The following TXNRD1 variants were observed in gnomAD, a reference collection of about 807,000 sequenced individuals.
The protein encoded by TXNRD1 is thioredoxin reductase 1, also known as thioredoxin reductase 1, cytoplasmic.
Under a neutral mutation model 80.3 loss-of-function variants are expected in TXNRD1, and 57 were observed. That is an observed-to-expected ratio of 0.71 (90% CI 0.57 to 0.89). The LOEUF (loss-of-function observed/expected upper bound fraction) is 0.89. Among genes scored for constraint, TXNRD1 ranks in the 40% least tolerant of loss-of-function variants. The probability of loss-of-function intolerance (pLI) is 0.00; values close to 1 mark genes in which losing one functional copy is unlikely to be tolerated. For missense variants in TXNRD1, 730 were observed against 803.0 expected (o/e 0.91, Z 1.10); for synonymous variants, 291 against 285.2 (o/e 1.02, Z -0.20).
At chr12:104,242,685 C>G (rs943383079) in intron 1 of TXNRD1, among the ~76,000 whole-genome samples, 1 of 152,154 alleles carries the variant, frequency 6.6e-6, no homozygotes, top group Non-Finnish European at 1.5e-5. Flanking sequence ...ACCTCTTCCA[C>G]GTTCCCTGTG....
chr12:104,289,123 C>T (rs1416644933), intron 4 of TXNRD1, 83 bp downstream of exon 4: 9 of 1,497,514 alleles, frequency 6.0e-6, no homozygotes, highest in East Asian at 4.6e-5. Context: ...TTAAAGCCAG[C>T]GTGGATGTGA....
At position 104,269,630 on chromosome 12, in the gene TXNRD1, C is replaced by T. The variant is rs571580952; in HGVS notation, c.304+11551C>T. Among the ~76,000 whole-genome samples, 7 of 151,866 alleles carry T rather than the reference C, an allele frequency of 4.6e-5. No homozygotes were observed. In the South Asian group the frequency reaches 1.0e-3, roughly 23 times the overall value. ...GTCCCCAGGCTGGAGTGCAGTGGCG[C>T]GATCTCGGCTCACAGTAACCTCTGC... is the stretch of plus-strand genomic sequence containing the variant. On this transcript the variant is annotated intron_variant, in intron 3 of 16. Transcript: ENST00000525566.
intron 3 of TXNRD1, among the ~76,000 whole-genome samples, chr12:104,287,715 T>G (rs1276874956): frequency 6.6e-6 from 1 of 152,132 alleles, no homozygotes; most frequent in African/African-American, 2.4e-5. Context: ...CAGGGCTTCC[T>G]CACTCTCTCA....
At chr12:104,278,189 C>CT (rs202175579) in intron 3 of TXNRD1, among the ~76,000 whole-genome samples, 88 of 98,278 alleles carry the variant, frequency 9.0e-4, no homozygotes, top group East Asian at 3.2e-3. Flanking sequence ...TGATCAAATT[C>CT]TTTTTTTTTT....
At chr12:104,279,163 TG>T (rs2033824726) in intron 3 of TXNRD1, among the ~76,000 whole-genome samples, 1 of 152,234 alleles carries the variant, frequency 6.6e-6, no homozygotes, top group African/African-American at 2.4e-5. Context: ...GAGTGGCTAT[TG>T]GGTTGGACAG....
intron 14 of TXNRD1, among the ~76,000 whole-genome samples, chr12:104,333,227 C>T (rs191548903): frequency 2.6e-5 from 4 of 151,808 alleles, no homozygotes; most frequent in Admixed American, 2.6e-4. Context: ...GATAGATTTC[C>T]TGTGTGAGTG....
At chr12:104,334,589 C>A (rs1334283137) in intron 15 of TXNRD1, among the ~76,000 whole-genome samples, 1 of 152,160 alleles carries the variant, frequency 6.6e-6, no homozygotes, top group African/African-American at 2.4e-5. Context: ...CCAGGCTGGT[C>A]TTGAACACCT....
chr12:104,227,633 C>A (rs901093294), intron 1 of TXNRD1, among the ~76,000 whole-genome samples: 3 of 151,984 alleles, frequency 2.0e-5, no homozygotes, highest in African/African-American at 7.3e-5. Context: ...GTTCCGTTAC[C>A]CCACAAAATT....
At position 104,249,707 on chromosome 12, in the gene TXNRD1, G is replaced by A. The variant is rs545842583; in HGVS notation, c.92-1820G>A. Among the ~76,000 whole-genome samples, 3 of 152,156 alleles carry A rather than the reference G, an allele frequency of 2.0e-5. 1 individual carries two copies. In the South Asian group the frequency reaches 6.2e-4, roughly 32 times the overall value. ...TCTTAGCACTTTGGGAGGCCAAGGTGGGCAGATCACGAGGTCAGGAGATCA... is the reference window on the plus strand; with the variant it reads ...TCTTAGCACTTTGGGAGGCCAAGGTAGGCAGATCACGAGGTCAGGAGATCA... On this transcript the variant is annotated intron_variant, in intron 1 of 16. Transcript: ENST00000525566.
intron 15 of TXNRD1, among the ~76,000 whole-genome samples, chr12:104,336,954 G>C (rs545919173): frequency 6.7e-6 from 1 of 148,184 alleles, no homozygotes; most frequent in African/African-American, 2.4e-5. Context: ...TTATGCCTAT[G>C]CAGTCTTCTG....
rs1402186594 is a variant in TXNRD1, at chr12:104,349,092, ATT to A, written c.*672_*673del. 4.6e-5 allele frequency: 7 copies of A among 152,360 alleles called. No individual in the cohort carries two copies. The East Asian group carries it at 1.3e-3, about 29-fold the overall frequency. 9.4% of individuals were successfully genotyped at this position (152,360 alleles called of 1,614,324 possible). ...CCTGTGTGCTACATGATGGATGATT[ATT>A]ATTTTAAGGTCTGTTTAGGAAGGGA... On this transcript the variant is annotated 3_prime_UTR_variant, in exon 17 of 17. Coordinates refer to ENST00000525566, the MANE Select transcript of TXNRD1 (RefSeq NM_001093771.3).
chr12:104,216,723 T>C (rs1593671859), intron 1 of TXNRD1, among the ~76,000 whole-genome samples: 1 of 152,228 alleles, frequency 6.6e-6, no homozygotes, highest in Non-Finnish European at 1.5e-5. Context: ...GGGATACCAG[T>C]TGAGGCCATC....
In TXNRD1 at chr12:104,321,125, A is replaced by G. The variant is rs2035513430; in HGVS notation, c.1024A>G (p.Lys342Glu). The G allele has an allele frequency of 1.9e-6, 3 of 1,611,122 alleles. No homozygotes were observed. Among genetic ancestry groups the G allele is most frequent in the Admixed American group, 1.7e-5 (1 of 59,732 alleles). ...DLFSLPYCPG[K>E]TLVVGASYVA... ...TTTCTCCTTGCCTTACTGCCCGGGTAAGACCCTGGTTGTTGGAGCATCCTA... is the reference window on the plus strand; with the variant it reads ...TTTCTCCTTGCCTTACTGCCCGGGTGAGACCCTGGTTGTTGGAGCATCCTA... The change falls in exon 10 of 17, where the codon AAG (lysine) becomes GAG (glutamate). Residue 342 changes from lysine to glutamate, a missense_variant. Lys to Glu is a moderately conservative substitution (Grantham distance 56). Coordinates refer to ENST00000525566, the MANE Select transcript of TXNRD1 (RefSeq NM_001093771.3).
At chr12:104,295,053 G>T (rs1478922268) in intron 4 of TXNRD1, among the ~76,000 whole-genome samples, 2 of 152,192 alleles carry the variant, frequency 1.3e-5, no homozygotes, top group African/African-American at 2.4e-5. Flanking sequence ...GATGAGGGAA[G>T]TGACAGATTC....
At chr12:104,284,515 G>T (rs989852814) in intron 3 of TXNRD1, 2 of 152,172 alleles carry the variant, frequency 1.3e-5, no homozygotes, top group Non-Finnish European at 2.9e-5. Flanking sequence ...TAATACAATA[G>T]GAGCCTTTAT....
chr12:104,260,407 C>T (rs532044084), intron 3 of TXNRD1, among the ~76,000 whole-genome samples: 43 of 152,216 alleles, frequency 2.8e-4, no homozygotes, highest in Middle Eastern at 3.4e-3. Context: ...GCAGAGGTTG[C>T]GGTGAGCCAA....
chr12:104,237,182 G>T (rs1358372623), intron 1 of TXNRD1, among the ~76,000 whole-genome samples: 3 of 152,162 alleles, frequency 2.0e-5, no homozygotes, highest in Non-Finnish European at 4.4e-5. Flanking sequence ...GAGTTTTGGG[G>T]TATCAAATTA....
intron 4 of TXNRD1, among the ~76,000 whole-genome samples, chr12:104,293,647 C>T (rs908406696): frequency 6.6e-6 from 1 of 152,146 alleles, no homozygotes; most frequent in African/African-American, 2.4e-5. Flanking sequence ...TTGGGGGTTT[C>T]ACCATGTTGT....
At chr12:104,291,194 G>GTA in intron 4 of TXNRD1, 1 of 242,698 alleles carries the variant, frequency 4.1e-6, no homozygotes, top group Non-Finnish European at 7.6e-6. Flanking sequence ...TCTACTTTGT[G>GTA]TCTTTTTTTT....
Sources: allele counts gnomAD v4.1 joint callset (sites outside exome capture counted in the v4.1 genomes callset), GRCh38; gene constraint gnomAD v4.1.1; transcripts MANE v1.5; gene names NCBI Gene and HGNC (gene_info 2026-07-23, HGNC 2026-07-21).